OGDHL: variants seen among roughly 807,000 people sequenced by gnomAD.
OGDHL encodes oxoglutarate dehydrogenase L, also known as 2-oxoglutarate dehydrogenase-like, mitochondrial.
In OGDHL, 79 loss-of-function variants were observed where a neutral mutation model predicts 109.6. The ratio of observed to expected loss-of-function variants is 0.72; its 90% confidence interval spans 0.60 to 0.87. The LOEUF (loss-of-function observed/expected upper bound fraction) is 0.87. OGDHL is among the 40% of genes least tolerant of loss of function. The probability of loss-of-function intolerance (pLI) is 0.00; values close to 1 mark genes in which losing one functional copy is unlikely to be tolerated. For synonymous variants in OGDHL, 528 were observed against 537.2 expected (o/e 0.98, Z 0.24); for missense variants, 1,275 against 1,362.2 (o/e 0.94, Z 1.01).
In OGDHL at chr10:49,737,767, A is replaced by C; in HGVS notation, c.2590+19T>G. ...CGCCCCATTGTGGGCTACCCCACAC[A>C]CCCAGGCCAGGCACGTACCGGATAC... On this transcript the variant is annotated intron_variant, in intron 20 of 22. Coordinates refer to ENST00000374103, the MANE Select transcript of OGDHL (RefSeq NM_018245.3). 1.2e-6 allele frequency: 2 copies of C among 1,613,836 alleles called. No homozygotes were observed. Among genetic ancestry groups the C allele is most frequent in the Non-Finnish European group, 1.7e-6 (2 of 1,179,898 alleles).
intron 9 of OGDHL, 65 bp downstream of exon 9, chr10:49,746,964 C>A: frequency 6.2e-7 from 1 of 1,607,294 alleles, no homozygotes; most frequent in Non-Finnish European, 8.5e-7. Context: ...ACCCAGGGTC[C>A]AGCCCAGCCC....
In OGDHL at chr10:49,756,945, G is replaced by T; in HGVS notation, c.206C>A (p.Ser69Tyr). Residue 69 changes from serine to tyrosine, a missense_variant and splice_region_variant, in exon 3 of 23, where the codon TCC becomes TAC. Transcript: ENST00000374103. The stretch of plus-strand genomic sequence containing the variant: ...GGCTTCCCTGAAGAAGCTGTCCCAG[G>T]ACTAGGCAGGGCAGAAACAAGAACG... ...WLENPQSVHK[S>Y]WDSFFREASE... 1 of 1,612,358 alleles carries T rather than the reference G, an allele frequency of 6.2e-7. No individual in the cohort carries two copies. The highest frequency in any genetic ancestry group is 8.5e-7 in the Non-Finnish European group (1 of 1,179,190).
chr10:49,740,868 A>T (rs1841601498), intron 15 of OGDHL, 31 bp from the exon 16 acceptor site: 1 of 1,612,472 alleles, frequency 6.2e-7, no homozygotes, highest in Non-Finnish European at 8.5e-7. Context: ...GCAGGGACAG[A>T]GGGCAGGTGG....
Position 49,744,734 on chromosome 10 carries a change from C to T in OGDHL, c.1648G>A (p.Asp550Asn), listed in dbSNP as rs142125130. The stretch of plus-strand genomic sequence containing the variant: ...CCATAAGCCTCCTCACAGATCCGGT[C>T]GTATTTGGCAATTTCTTCCTGGAAT... ...QEFEEEIAKY[D>N]RICEEAYGRS... The change falls in exon 13 of 23, where the codon GAC becomes AAC. Residue 550 changes from aspartate (D) to asparagine (N), a missense_variant. Physicochemically the swap from Asp to Asn is conservative, Grantham distance 23. Coordinates refer to ENST00000374103, the MANE Select transcript of OGDHL (RefSeq NM_018245.3). 2.2e-5 allele frequency: 35 copies of T among 1,614,110 alleles called. No homozygotes were observed. Among genetic ancestry groups the T allele is most frequent in the Middle Eastern group, 1.7e-4 (1 of 6,058 alleles).
At chr10:49,736,231 G>A in intron 21 of OGDHL, 54 bp from the exon 22 acceptor site, 3 of 1,568,280 alleles carry the variant, frequency 1.9e-6, no homozygotes, top group Non-Finnish European at 2.6e-6. Context: ...TATGTCCCCA[G>A]CACCCCCGGA....
Position 49,742,734 on chromosome 10 carries a change from TC to T in OGDHL, c.2012+93del, listed in dbSNP as rs1044254935. 2.8e-6 allele frequency: 4 copies of T among 1,452,802 alleles called. No individual in the cohort carries two copies. In the African/African-American group the frequency reaches 5.6e-5, roughly 20 times the overall value. 90.0% of individuals were successfully genotyped at this position (1,452,802 alleles called of 1,614,324 possible). Reference sequence around the variant, plus strand: ...GCAGGGGCTAGGGATGCTGTGAAGATCCCACCCCAACAAAGGCCCCCTCGGG... The same window carrying T: ...GCAGGGGCTAGGGATGCTGTGAAGATCCACCCCAACAAAGGCCCCCTCGGG... On this transcript the variant is annotated intron_variant, in intron 15 of 22. Coordinates refer to ENST00000374103, the MANE Select transcript of OGDHL (RefSeq NM_018245.3).
chr10:49,752,743 G>A lies in OGDHL; in HGVS notation c.376-3C>T, dbSNP rs1842690247. Reference sequence around the variant, plus strand: ...TGGGCCACATGGTGACCCCGGATCTGGGAGGAGGGAAAAGAGCAGGGTGGG... The same window carrying A: ...TGGGCCACATGGTGACCCCGGATCTAGGAGGAGGGAAAAGAGCAGGGTGGG... On this transcript the variant is annotated splice_region_variant and splice_polypyrimidine_tract_variant and intron_variant, in intron 3 of 22. Coordinates refer to ENST00000374103, the MANE Select transcript of OGDHL (RefSeq NM_018245.3). 1.2e-6 allele frequency: 2 copies of A among 1,611,928 alleles called. No individual in the cohort carries two copies. The highest frequency in any genetic ancestry group is 3.3e-5 in the Admixed American group (2 of 59,984).
intron 6 of OGDHL, among the ~76,000 whole-genome samples, chr10:49,751,226 A>G (rs1842568466): frequency 6.6e-6 from 1 of 151,752 alleles, no homozygotes; most frequent in Non-Finnish European, 1.5e-5. Context: ...CTCTGCCTAC[A>G]CCCCTTCCCA....
intron 3 of OGDHL, chr10:49,756,551 A>C (rs1564559540): frequency 2.2e-6 from 1 of 453,520 alleles, no homozygotes; most frequent in Non-Finnish European, 3.9e-6. Flanking sequence ...AACAGACCAC[A>C]AGGACACAAG....
Position 49,748,775 on chromosome 10 carries a change from C to CAA in OGDHL, c.987+950_987+951insTT, listed in dbSNP as rs33919505. ...ACACACACACACACACACACACACACACACACACACGGCAGCAGGCTGGAG... is the reference window on the plus strand; with the variant it reads ...ACACACACACACACACACACACACACAAACACACACACGGCAGCAGGCTGGAG... On this transcript the variant is annotated intron_variant, in intron 8 of 22. Transcript: ENST00000374103. Among the ~76,000 whole-genome samples the CAA allele has an allele frequency of 2.6e-4, 40 of 151,852 alleles. No individual in the cohort carries two copies. The East Asian group carries it at 7.8e-3, about 30-fold the overall frequency.
intron 17 of OGDHL, 156 bp downstream of exon 17, chr10:49,739,505 C>T: frequency 1.3e-6 from 1 of 791,762 alleles, no homozygotes; most frequent in Non-Finnish European, 1.9e-6. Context: ...GCAGCTGCAG[C>T]ATGCACATGT....
intron 3 of OGDHL, 110 bp from the exon 4 acceptor site, chr10:49,752,850 T>G: frequency 1.3e-6 from 1 of 744,678 alleles, no homozygotes; most frequent in Non-Finnish European, 2.2e-6. Context: ...AATGTTAAGC[T>G]TCCCCATGTC....
chr10:49,738,343 G>GGAA, intron 17 of OGDHL, 81 bp from the exon 18 acceptor site: 1 of 1,493,740 alleles, frequency 6.7e-7, no homozygotes, highest in South Asian at 1.1e-5. Flanking sequence ...CAGGCTCAGG[G>GGAA]GAAAGTCTGG....
chr10:49,749,703 C>T (rs569794556), intron 8 of OGDHL, 23 bp downstream of exon 8: 21 of 1,563,012 alleles, frequency 1.3e-5, no homozygotes, highest in African/African-American at 5.4e-5. Flanking sequence ...CCAAGGGTGC[C>T]GGGACCTGGG....
intron 22 of OGDHL, among the ~76,000 whole-genome samples, chr10:49,735,708 G>A (rs909845998): frequency 6.6e-6 from 1 of 152,218 alleles, no homozygotes; most frequent in Admixed American, 6.5e-5. Flanking sequence ...TATTGGGAAC[G>A]CACCATGTGC....
At chr10:49,739,452 C>T (rs1291685675) in intron 17 of OGDHL, 8 of 546,964 alleles carry the variant, frequency 1.5e-5, no homozygotes, top group African/African-American at 3.8e-5. Context: ...AGCACTCATA[C>T]GTGGTAGCGC....
intron 3 of OGDHL, among the ~76,000 whole-genome samples, chr10:49,755,447 G>A (rs1485967738): frequency 6.6e-6 from 1 of 152,224 alleles, no homozygotes; most frequent in Non-Finnish European, 1.5e-5. Flanking sequence ...GCAGTGAGCG[G>A]GGGCTAAGGG....
chr10:49,759,528 GC>G (rs11362651), intron 1 of OGDHL, among the ~76,000 whole-genome samples: 152,264 of 152,264 alleles, frequency 1, 76,132 homozygotes, highest in Non-Finnish European at 1. Context: ...AGTTCTAAGA[GC>G]CCTCTGCCAA....
At position 49,738,090 on chromosome 10, in the gene OGDHL, A is replaced by G; in HGVS notation, c.2392-18T>C. ...GTGAATGCCTGTGGGGACGAGATGC[A>G]TATGGCCAGGGTGGCTGTCTGCTGC... On this transcript the variant is annotated intron_variant, in intron 18 of 22. Coordinates refer to ENST00000374103, the MANE Select transcript of OGDHL (RefSeq NM_018245.3). The G allele has an allele frequency of 3.7e-6, 6 of 1,614,058 alleles. No individual in the cohort carries two copies. Among genetic ancestry groups the G allele is most frequent in the Non-Finnish European group, 5.1e-6 (6 of 1,179,976 alleles).
Sources: gnomAD v4.1 joint callset for allele counts (sites outside exome capture counted in the v4.1 genomes callset) on GRCh38, gnomAD v4.1.1 for gene constraint, MANE v1.5 for transcripts, NCBI Gene and HGNC (gene_info 2026-07-23, HGNC 2026-07-21) for gene names.